The following STAG2 variants were observed in gnomAD, a reference collection of about 807,000 sequenced individuals.
STAG2 encodes the protein cohesin subunit SA-2.
A neutral mutation model predicts 108.1 loss-of-function variants in STAG2; 14 were observed. That is an observed-to-expected ratio of 0.13 (90% CI 0.09 to 0.20). The LOEUF (loss-of-function observed/expected upper bound fraction) is 0.20. Ranked by LOEUF, STAG2 falls within the 10% of genes least tolerant of loss-of-function variation. The pLI is 1.00. For synonymous variants in STAG2, 307 were observed against 302.7 expected, an observed-to-expected ratio of 1.01 and a Z score of -0.15; for missense variants, 440 against 940.9, an observed-to-expected ratio of 0.47 and a Z score of 6.96.
At chrX:123,998,940 A>G (rs1040137534) in intron 1 of STAG2, among the ~76,000 whole-genome samples, 2 of 109,840 alleles carry the variant, frequency 1.8e-5, no homozygotes, top group Non-Finnish European at 3.8e-5. Flanking sequence ...CCCCATCTCT[A>G]CAGAAAATGA....
intron 1 of STAG2, among the ~76,000 whole-genome samples, chrX:123,963,674 A>G (rs573207926): frequency 9.1e-6 from 1 of 109,651 alleles, no homozygotes; most frequent in East Asian, 2.9e-4. Flanking sequence ...GCAGATGTTT[A>G]AGTTCGTTTT....
intron 1 of STAG2, among the ~76,000 whole-genome samples, chrX:123,990,805 G>A (rs141061934): frequency 0.014 from 1,540 of 111,802 alleles, 31 homozygotes; most frequent in African/African-American, 0.047. Flanking sequence ...CCTCCATCTC[G>A]CATAACTCTA....
chrX:123,982,446 C>G (rs1229207451), intron 1 of STAG2, among the ~76,000 whole-genome samples: 1 of 111,994 alleles, frequency 8.9e-6, no homozygotes, highest in African/African-American at 3.2e-5. Flanking sequence ...ACGATCTTGG[C>G]TCACTGCAAC....
At position 124,037,636 on chromosome X, in the gene STAG2, T is replaced by C; in HGVS notation, c.385+13T>C. The C allele has an allele frequency of 9.2e-7, 1 of 1,090,648 alleles. No homozygotes were observed. 89.9% of individuals were successfully genotyped at this position (1,090,648 alleles called of 1,213,427 possible). A position where few individuals can be genotyped will look rare whatever the true frequency, so the allele number is the denominator to read the frequency against. On this transcript the variant is annotated intron_variant, in intron 6 of 34. Coordinates refer to ENST00000371145, the MANE Select transcript of STAG2 (RefSeq NM_001042750.2). The stretch of plus-strand genomic sequence containing the variant: ...TCAGGCTGTAAAGGTAAGATATATT[T>C]ATTTTGAAATCAGCAGCTCTCAAAT...
chrX:124,041,643 G>T (rs1158489802), intron 6 of STAG2, among the ~76,000 whole-genome samples: 1 of 110,627 alleles, frequency 9.0e-6, no homozygotes, highest in Non-Finnish European at 1.9e-5. Context: ...TAGTATTTAC[G>T]TTGATTACCC....
chrX:124,084,383 A>G (rs2059043263), intron 29 of STAG2, among the ~76,000 whole-genome samples: 2 of 101,186 alleles, frequency 2.0e-5, no homozygotes, highest in Non-Finnish European at 4.1e-5. Context: ...TTCAGGCACC[A>G]TCTCGGCCCA....
intron 25 of STAG2, among the ~76,000 whole-genome samples, chrX:124,073,937 C>A (rs973011398): frequency 8.9e-6 from 1 of 111,887 alleles, no homozygotes; most frequent in African/African-American, 3.3e-5. Context: ...ATAACTGCTA[C>A]CCCAAATTTG....
intron 1 of STAG2, among the ~76,000 whole-genome samples, chrX:123,962,494 T>C (rs1390722865): frequency 9.0e-6 from 1 of 111,512 alleles, no homozygotes; most frequent in Non-Finnish European, 1.9e-5. Context: ...ATTTTCGTGC[T>C]TCAGTGCTCG....
At chrX:124,047,786 G>C (rs757820102) in intron 9 of STAG2, among the ~76,000 whole-genome samples, 1 of 111,265 alleles carries the variant, frequency 9.0e-6, no homozygotes, top group Admixed American at 9.6e-5. Context: ...TCATCTCTAC[G>C]GTGAAAAACC....
At chrX:124,051,585 CT>C (rs1051996911) in intron 13 of STAG2, among the ~76,000 whole-genome samples, 191 bp downstream of exon 13, 6 of 105,393 alleles carry the variant, frequency 5.7e-5, no homozygotes, top group South Asian at 8.4e-4. Flanking sequence ...TATGGAAATT[CT>C]TTTTTTTTTC....
chrX:124,088,422 A>G (rs1022383227), intron 30 of STAG2, among the ~76,000 whole-genome samples: 1 of 111,007 alleles, frequency 9.0e-6, no homozygotes, highest in African/African-American at 3.3e-5. Context: ...ATGAATACTG[A>G]TAGGTTGGCC....
intron 28 of STAG2, 67 bp from the exon 29 acceptor site, chrX:124,083,354 A>G: frequency 2.2e-6 from 2 of 921,537 alleles, no homozygotes; most frequent in Non-Finnish European, 2.8e-6. Context: ...AAATTTCCTA[A>G]GTTATTGACT....
At chrX:124,017,987 T>C (rs1359798241) in intron 1 of STAG2, among the ~76,000 whole-genome samples, 3 of 112,320 alleles carry the variant, frequency 2.7e-5, no homozygotes, top group African/African-American at 9.7e-5. Context: ...GTAGTTTTAC[T>C]TTAATATATA....
At chrX:124,051,461 G>C (rs2058036192) in intron 13 of STAG2, 67 bp downstream of exon 13, 2 of 862,728 alleles carry the variant, frequency 2.3e-6, no homozygotes, top group Admixed American at 3.1e-5. Context: ...TAGAGTATTT[G>C]GTTCAGACTC....
chrX:124,041,094 G>A (rs758674487), intron 6 of STAG2, among the ~76,000 whole-genome samples: 132 of 108,713 alleles, frequency 1.2e-3, no homozygotes, highest in African/African-American at 4.2e-3. Context: ...CAAGTGACTC[G>A]CCCGCCTCAG....
At position 124,016,510 on chromosome X, in the gene STAG2, A is replaced by G. The variant is rs184401590; in HGVS notation, c.-162-4857A>G. Among the ~76,000 whole-genome samples the G allele has an allele frequency of 1.8e-3, 207 of 111,920 alleles. 1 individual carries two copies. The highest frequency in any genetic ancestry group is 3.2e-3 in the Non-Finnish European group (168 of 53,214). ...TCATAAATAGTTTCAGTGTATGAATATTACATTAATTACATTGATGTACTA... is the reference window on the plus strand; with the variant it reads ...TCATAAATAGTTTCAGTGTATGAATGTTACATTAATTACATTGATGTACTA... On this transcript the variant is annotated intron_variant, in intron 1 of 34. Coordinates refer to ENST00000371145, the MANE Select transcript of STAG2 (RefSeq NM_001042750.2).
rs2058342813 is a variant in STAG2, at chrX:124,060,307, C to G, written c.1417-917C>G. Among the ~76,000 whole-genome samples the G allele has an allele frequency of 2.7e-5, 3 of 111,015 alleles. No individual in the cohort carries two copies. The South Asian group carries it at 1.1e-3, about 42-fold the overall frequency. ...ACCACACCTAATTTTTGTATTTTTG[C>G]TAAAGACAGGGTTTTGCCACGTTGG... On this transcript the variant is annotated intron_variant, in intron 15 of 34. Transcript: ENST00000371145.
At chrX:123,999,169 G>GTATATATA in intron 1 of STAG2, among the ~76,000 whole-genome samples, 1 of 111,414 alleles carries the variant, frequency 9.0e-6, no homozygotes, top group Admixed American at 9.6e-5. Context: ...ATATATATGT[G>GTATATATA]CCATTAAAAA....
chrX:124,006,036 C>T (rs1479347032), intron 1 of STAG2, among the ~76,000 whole-genome samples: 1 of 111,109 alleles, frequency 9.0e-6, no homozygotes, highest in Admixed American at 9.7e-5. Context: ...GAGTACCACT[C>T]ATATTGCATT....
Sources: gnomAD v4.1 joint callset for allele counts (sites outside exome capture counted in the v4.1 genomes callset) on GRCh38, gnomAD v4.1.1 for gene constraint, MANE v1.5 for transcripts, NCBI Gene and HGNC (gene_info 2026-07-23, HGNC 2026-07-21) for gene names.